The following MYO16 variants were observed in gnomAD, a reference collection of about 807,000 sequenced individuals.
The protein encoded by MYO16 is unconventional myosin-XVI.
Under a neutral mutation model 205.3 loss-of-function variants are expected in MYO16, and 94 were observed. That is an observed-to-expected ratio of 0.46 (90% CI 0.39 to 0.54). The LOEUF (loss-of-function observed/expected upper bound fraction) is 0.54. Ranked by LOEUF, MYO16 falls within the 20% of genes least tolerant of loss-of-function variation. The pLI is 0.00. For missense variants in MYO16, 2,315 were observed against 2,387.5 expected (o/e 0.97, Z 0.63); for synonymous variants, 988 against 954.0 (o/e 1.04, Z -0.66).
intron 27 of MYO16, among the ~76,000 whole-genome samples, chr13:109,083,580 G>C (rs140374753): frequency 2.0e-5 from 3 of 152,018 alleles, no homozygotes; most frequent in African/African-American, 7.2e-5. Flanking sequence ...ATGAGAAAAA[G>C]ACAAAAAGAA....
chr13:108,763,620 A>G (rs918703769), intron 4 of MYO16, among the ~76,000 whole-genome samples: 29 of 151,998 alleles, frequency 1.9e-4, no homozygotes, highest in African/African-American at 6.0e-4. Flanking sequence ...GATGGGAGGG[A>G]TGGTGCAGTT....
Position 108,844,394 on chromosome 13 carries a change from C to A in MYO16, c.1149C>A (p.Asp383Glu). 6.2e-7 allele frequency: 1 copy of A among 1,613,346 alleles called. No individual in the cohort carries two copies. Among genetic ancestry groups the A allele is most frequent in the Middle Eastern group, 1.7e-4 (1 of 6,056 alleles). ...AGCAAGACAGTTTGTTGGAAAAAGACATTATGTTCAAAGATGCAACAAAAG... is the reference window on the plus strand; with the variant it reads ...AGCAAGACAGTTTGTTGGAAAAAGAAATTATGTTCAAAGATGCAACAAAAG... ...IAKQDSLLEK[D>E]IMFKDATKGL... is the part of the protein sequence containing the mutation. Residue 383 changes from aspartate to glutamate, a missense_variant, in exon 10 of 35, where the codon GAC (aspartate) becomes GAA (glutamate). Physicochemically the swap from Asp to Glu is conservative, Grantham distance 45. Coordinates refer to ENST00000457511, the MANE Select transcript of MYO16 (RefSeq NM_001198950.3).
chr13:108,777,611 C>T (rs962475556), intron 4 of MYO16, among the ~76,000 whole-genome samples: 2 of 152,182 alleles, frequency 1.3e-5, no homozygotes, highest in Admixed American at 1.3e-4. Flanking sequence ...GTACCCACCA[C>T]AGTGGGCAAG....
chr13:108,834,441 G>GA (rs971769964), intron 9 of MYO16, among the ~76,000 whole-genome samples: 1 of 152,026 alleles, frequency 6.6e-6, no homozygotes, highest in Non-Finnish European at 1.5e-5. Context: ...AAGGGGCAGA[G>GA]AAAAAAATTG....
chr13:109,078,704 T>G (rs1192507009), intron 27 of MYO16, among the ~76,000 whole-genome samples: 1 of 152,150 alleles, frequency 6.6e-6, no homozygotes, highest in African/African-American at 2.4e-5. Context: ...TGGAAACAGT[T>G]TATTGTTTGG....
chr13:109,182,899 A>G (rs1017293119), intron 34 of MYO16, among the ~76,000 whole-genome samples: 1 of 152,222 alleles, frequency 6.6e-6, no homozygotes. Context: ...AAAAGCTGGG[A>G]CATTTGCTGC....
intron 3 of MYO16, among the ~76,000 whole-genome samples, chr13:108,716,915 T>C (rs746283978): frequency 1.3e-5 from 2 of 152,204 alleles, no homozygotes; most frequent in Non-Finnish European, 1.5e-5. Context: ...AATTAATCTT[T>C]TTACCCCACC....
At chr13:108,623,466 C>A (rs1419122045) in intron 1 of MYO16, among the ~76,000 whole-genome samples, 1 of 152,156 alleles carries the variant, frequency 6.6e-6, no homozygotes, top group African/African-American at 2.4e-5. Context: ...GCAGCCAGAT[C>A]TCCCTATGAT....
At chr13:108,888,792 C>T (rs1483795204) in intron 14 of MYO16, among the ~76,000 whole-genome samples, 3 of 151,988 alleles carry the variant, frequency 2.0e-5, no homozygotes, top group Non-Finnish European at 4.4e-5. Flanking sequence ...CAGGGGCTCA[C>T]GACTATAATC....
chr13:108,954,028 A>G (rs1434798934), intron 16 of MYO16, among the ~76,000 whole-genome samples: 2 of 152,210 alleles, frequency 1.3e-5, no homozygotes, highest in Non-Finnish European at 2.9e-5. Context: ...CCTGTCTGCA[A>G]CTACCGGGAT....
At chr13:109,001,940 G>A (rs1566454713) in intron 21 of MYO16, among the ~76,000 whole-genome samples, 1 of 150,680 alleles carries the variant, frequency 6.6e-6, no homozygotes. Context: ...CTGTGTGTCT[G>A]TCTCATGTGA....
rs1279836510 is a variant in MYO16 at position 108,964,820 on chromosome 13, G to T, written c.2287G>T (p.Ala763Ser). 1.2e-6 allele frequency: 2 copies of T among 1,614,038 alleles called. No individual in the cohort carries two copies. Among genetic ancestry groups the T allele is most frequent in the South Asian group, 2.2e-5 (2 of 91,076 alleles). Residue 763 changes from alanine to serine, a missense_variant, in exon 20 of 35, where the codon GCC (alanine) becomes TCC (serine). Around this residue, in one of 3 missense-constraint regions of MYO16, gnomAD observed 1,213 missense variants for 1,274.4 expected, o/e 0.95. Transcript: ENST00000457511. ...TGCTGAGTTTTTCCGAGACCTCTTG[G>T]CCAAGTCCCTGTACAGTCGTTTGTT... The part of the protein sequence containing the change: ...QIAEFFRDLL[A>S]KSLYSRLFSF...
intron 7 of MYO16, among the ~76,000 whole-genome samples, chr13:108,816,993 G>C (rs993563108): frequency 6.6e-6 from 1 of 152,152 alleles, no homozygotes; most frequent in Non-Finnish European, 1.5e-5. Flanking sequence ...TCAGGGAAAT[G>C]TAAATTAACC....
chr13:108,871,995 A>G (rs1879091399), intron 12 of MYO16, among the ~76,000 whole-genome samples: 1 of 152,238 alleles, frequency 6.6e-6, no homozygotes, highest in Non-Finnish European at 1.5e-5. Flanking sequence ...AAAGGAGACT[A>G]CATCTGTTTT....
chr13:108,613,789 T>C (rs1879256059), intron 1 of MYO16, among the ~76,000 whole-genome samples: 1 of 152,044 alleles, frequency 6.6e-6, no homozygotes, highest in Non-Finnish European at 1.5e-5. Context: ...AAAAGCCAAA[T>C]GATCGTCACA....
intron 34 of MYO16, among the ~76,000 whole-genome samples, 162 bp downstream of exon 34, chr13:109,179,795 C>T (rs918695171): frequency 1.3e-5 from 2 of 152,186 alleles, no homozygotes; most frequent in African/African-American, 4.8e-5. Flanking sequence ...TCTCTCTCCA[C>T]CTCAGCTGAC....
At chr13:108,566,267 T>C in the MYO16 span, among the ~76,000 whole-genome samples, 1,715 of 152,270 alleles carry the variant, frequency 0.011, 27 homozygotes, top group African/African-American at 0.037. Flanking sequence ...ATTGTATGTA[T>C]TTAGAAATTT....
intron 10 of MYO16, among the ~76,000 whole-genome samples, chr13:108,854,861 AT>A (rs1878085040): frequency 6.6e-6 from 1 of 152,170 alleles, no homozygotes; most frequent in African/African-American, 2.4e-5. Context: ...ATAGGAAAGT[AT>A]TTTTTCTTTA....
intron 34 of MYO16, among the ~76,000 whole-genome samples, chr13:109,205,595 T>A (rs59625244): frequency 0.18 from 27,427 of 151,874 alleles, 2,684 homozygotes; most frequent in East Asian, 0.27. Context: ...ATTTTTTTTT[T>A]AAACCAGTAT....
Sources: allele counts gnomAD v4.1 joint callset (sites outside exome capture counted in the v4.1 genomes callset), GRCh38; gene constraint gnomAD v4.1.1; regional missense constraint gnomAD v4.1.1; transcripts MANE v1.5; gene names NCBI Gene and HGNC (gene_info 2026-07-23, HGNC 2026-07-21).